The following DRC2 variants were observed in gnomAD, a reference collection of about 807,000 sequenced individuals.
The protein encoded by DRC2 is dynein regulatory complex subunit 2, also known as coiled-coil domain containing 65.
chr12:48,916,834 A>G, the DRC2 span: 1 of 746,474 alleles, frequency 1.3e-6, no homozygotes, highest in Non-Finnish European at 2.1e-6. Context: ...AAAAGAGTAA[A>G]GCCTTCCCTC....
At chr12:48,906,341 T>C in the DRC2 span, among the ~76,000 whole-genome samples, 1 of 151,094 alleles carries the variant, frequency 6.6e-6, no homozygotes, top group East Asian at 2.0e-4. Flanking sequence ...TTCACTCCTG[T>C]TGCCCAGGCT....
chr12:48,919,404 G>T, the DRC2 span, among the ~76,000 whole-genome samples: 1 of 151,390 alleles, frequency 6.6e-6, no homozygotes, highest in African/African-American at 2.4e-5. Context: ...TCGCCATGTT[G>T]CCCAGGCTGG....
chr12:48,920,427 G>T, the DRC2 span, among the ~76,000 whole-genome samples: 1 of 82,134 alleles, frequency 1.2e-5, no homozygotes, highest in Non-Finnish European at 2.3e-5. Context: ...GGCAACAAGA[G>T]CGAAACTCCA....
At chr12:48,904,794 C>T in the DRC2 span, 3 of 647,402 alleles carry the variant, frequency 4.6e-6, no homozygotes, top group East Asian at 2.8e-5. Context: ...GATGCTCCCA[C>T]CCTGAAGGAA....
At chr12:48,904,867 G>C in the DRC2 span, 1 of 1,251,408 alleles carries the variant, frequency 8.0e-7, no homozygotes. Context: ...TAAGGTGTCA[G>C]CTGATAAATT....
chr12:48,920,167 C>T, the DRC2 span, among the ~76,000 whole-genome samples: 3 of 138,314 alleles, frequency 2.2e-5, no homozygotes, highest in African/African-American at 5.4e-5. Flanking sequence ...TTTGGCTGGG[C>T]GCAGTGGCTC....
the DRC2 span, among the ~76,000 whole-genome samples, chr12:48,912,460 ATT>A: frequency 6.7e-6 from 1 of 150,154 alleles, no homozygotes; most frequent in African/African-American, 2.5e-5. Context: ...AAAAAAAAAA[ATT>A]CATGTGCACT....
the DRC2 span, among the ~76,000 whole-genome samples, chr12:48,909,428 C>G: frequency 6.6e-6 from 1 of 152,202 alleles, no homozygotes; most frequent in Non-Finnish European, 1.5e-5. Context: ...GAATTCTCAT[C>G]TCCATTTCTT....
chr12:48,904,478 T>C, the DRC2 span: 1 of 1,613,208 alleles, frequency 6.2e-7, no homozygotes, highest in South Asian at 1.1e-5. Context: ...GGTGATGGCC[T>C]TTTGCATTAT....
the DRC2 span, chr12:48,904,336 C>A: frequency 6.2e-7 from 1 of 1,613,124 alleles, no homozygotes; most frequent in South Asian, 1.1e-5. Context: ...CCCCTGCCCC[C>A]ATGCCTAAGA....
the DRC2 span, among the ~76,000 whole-genome samples, chr12:48,908,081 C>G: frequency 5.9e-5 from 9 of 152,128 alleles, no homozygotes; most frequent in African/African-American, 2.2e-4. Flanking sequence ...ACTACAGGCT[C>G]TCACTATGAC....
the DRC2 span, chr12:48,918,101 C>G: frequency 1.6e-6 from 1 of 608,224 alleles, no homozygotes; most frequent in East Asian, 2.8e-5. Flanking sequence ...CAGGCCCCAC[C>G]CGGCCCACAA....
the DRC2 span, chr12:48,905,022 G>A: frequency 2.8e-5 from 45 of 1,613,820 alleles, no homozygotes; most frequent in Middle Eastern, 4.9e-4. Context: ...ACTGTCCTTC[G>A]GGAAGTCAAG....
At chr12:48,911,383 A>C in the DRC2 span, among the ~76,000 whole-genome samples, 1 of 151,976 alleles carries the variant, frequency 6.6e-6, no homozygotes, top group Admixed American at 6.6e-5. Context: ...ACATGGCAAA[A>C]ACCTGTCTAC....
chr12:48,912,203 A>G, the DRC2 span, among the ~76,000 whole-genome samples: 1 of 151,652 alleles, frequency 6.6e-6, no homozygotes, highest in African/African-American at 2.4e-5. Context: ...GGAGGTTGCA[A>G]TGAGCCAAGA....
At chr12:48,914,159 G>C in the DRC2 span, among the ~76,000 whole-genome samples, 2 of 151,514 alleles carry the variant, frequency 1.3e-5, no homozygotes, top group East Asian at 1.9e-4. Context: ...GGCTAGTCTT[G>C]AGCTCCCAGG....
the DRC2 span, among the ~76,000 whole-genome samples, chr12:48,906,361 T>G: frequency 1.3e-5 from 2 of 151,094 alleles, no homozygotes; most frequent in Non-Finnish European, 2.9e-5. Flanking sequence ...TGGAGTGCAA[T>G]GGCGCAGTCT....
the DRC2 span, among the ~76,000 whole-genome samples, chr12:48,905,783 A>G: frequency 6.6e-6 from 1 of 151,850 alleles, no homozygotes; most frequent in East Asian, 1.9e-4. Flanking sequence ...TTATTTATTT[A>G]TTTATTTGAC....
chr12:48,916,029 T>G, the DRC2 span, among the ~76,000 whole-genome samples: 1 of 147,090 alleles, frequency 6.8e-6, no homozygotes, highest in Admixed American at 6.8e-5. Context: ...GCTCCTCACT[T>G]CCTAGATGTG....
Sources: allele counts gnomAD v4.1 joint callset (sites outside exome capture counted in the v4.1 genomes callset), GRCh38; gene constraint gnomAD v4.1.1; transcripts MANE v1.5; gene names NCBI Gene and HGNC (gene_info 2026-07-23, HGNC 2026-07-21).